The following N4BP1 variants were observed in gnomAD, a reference collection of about 807,000 sequenced individuals.
N4BP1 encodes NEDD4-binding protein 1.
Under a neutral mutation model 70.9 loss-of-function variants are expected in N4BP1, and 21 were observed. The observed-to-expected ratio is 0.30, with a 90% CI of 0.21 to 0.43. The LOEUF (loss-of-function observed/expected upper bound fraction) is 0.43, where lower values mean the gene tolerates loss of function less well. N4BP1 is among the 20% of genes least tolerant of loss of function. N4BP1 has a pLI of 1.00. For synonymous variants in N4BP1, 387 were observed against 394.6 expected, an observed-to-expected ratio of 0.98 and a Z score of 0.23; for missense variants, 936 against 1,069.4, an observed-to-expected ratio of 0.88 and a Z score of 1.74.
chr16:48,599,373 G>A (rs1479078528), intron 1 of N4BP1, among the ~76,000 whole-genome samples: 3 of 152,176 alleles, frequency 2.0e-5, no homozygotes, highest in African/African-American at 7.2e-5. Flanking sequence ...GCAAAATAGA[G>A]GGTAAGAGGA....
intron 1 of N4BP1, among the ~76,000 whole-genome samples, chr16:48,580,934 C>T (rs561618536): frequency 1.3e-4 from 20 of 152,134 alleles, no homozygotes; most frequent in East Asian, 5.8e-4. Flanking sequence ...ATAGATTATA[C>T]GCAAACACTA....
intron 2 of N4BP1, among the ~76,000 whole-genome samples, chr16:48,556,483 G>A (rs1201528784): frequency 1.3e-5 from 2 of 152,144 alleles, no homozygotes; most frequent in Non-Finnish European, 2.9e-5. Flanking sequence ...ATAACACCTT[G>A]CTACTTATGG....
chr16:48,595,948 GGC>G (rs1475953686), intron 1 of N4BP1, among the ~76,000 whole-genome samples: 2 of 152,132 alleles, frequency 1.3e-5, no homozygotes, highest in Non-Finnish European at 2.9e-5. Context: ...CCCATGGCTG[GGC>G]TTGGCTTTAA....
Position 48,561,995 on chromosome 16 carries a change from T to A in N4BP1, c.648A>T (p.Thr216=). The change falls in exon 2 of 7, where the codon ACA becomes ACT. Residue 216 remains threonine, a synonymous_variant. Transcript: ENST00000262384. ...EMRDSQQTEF[T]QNAATGLNIS... ...TATTCAGCCCTGTGGCAGCATTCTG[T>A]GTAAACTCTGTTTGTTGAGAATCTC... is the stretch of plus-strand genomic sequence containing the variant. 6.2e-7 allele frequency: 1 copy of A among 1,613,960 alleles called. No individual in the cohort carries two copies. The highest frequency in any genetic ancestry group is 1.1e-5 in the South Asian group (1 of 91,084).
intron 2 of N4BP1, 130 bp downstream of exon 2, chr16:48,560,624 C>T: frequency 1.6e-6 from 2 of 1,253,660 alleles, no homozygotes; most frequent in Non-Finnish European, 2.2e-6. Context: ...CCATTCCCCT[C>T]CACCATCCGA....
At chr16:48,600,032 A>G (rs1357045975) in intron 1 of N4BP1, 2 of 299,350 alleles carry the variant, frequency 6.7e-6, no homozygotes, top group Non-Finnish European at 1.3e-5. Context: ...CCTACCTATT[A>G]TAACAAAGTA....
chr16:48,607,060 G>C (rs969217737), intron 1 of N4BP1, among the ~76,000 whole-genome samples: 1 of 152,096 alleles, frequency 6.6e-6, no homozygotes, highest in Non-Finnish European at 1.5e-5. Context: ...TCTTACCTAT[G>C]AGTCTCAAGG....
At chr16:48,601,384 T>C (rs908590082) in intron 1 of N4BP1, among the ~76,000 whole-genome samples, 2 of 152,222 alleles carry the variant, frequency 1.3e-5, no homozygotes, top group African/African-American at 2.4e-5. Flanking sequence ...AGTTATTATG[T>C]AGTTTTCCTT....
Position 48,547,990 on chromosome 16 carries a change from A to C in N4BP1, c.2225+17T>G, listed in dbSNP as rs1567426098. 6.8e-7 allele frequency: 1 copy of C among 1,463,350 alleles called. No homozygotes were observed. The highest frequency in any genetic ancestry group is 2.3e-5 in the East Asian group (1 of 44,222). 90.6% of individuals were successfully genotyped at this position (1,463,350 alleles called of 1,614,324 possible). ...AAACAAAACTTTTCTGACCAAAGAC[A>C]AAGAAGAAAATATTACCTTTTTGTA... is the stretch of plus-strand genomic sequence containing the variant. On this transcript the variant is annotated intron_variant, in intron 5 of 6. Transcript: ENST00000262384.
intron 1 of N4BP1, among the ~76,000 whole-genome samples, chr16:48,591,646 T>C (rs956863335): frequency 5.7e-4 from 86 of 151,884 alleles, no homozygotes; most frequent in East Asian, 1.9e-3. Context: ...TTTTTTTTTT[T>C]TTCTTCTTGG....
chr16:48,555,508 AATAAG>A (rs1447676768), intron 2 of N4BP1, among the ~76,000 whole-genome samples: 7 of 152,246 alleles, frequency 4.6e-5, no homozygotes, highest in African/African-American at 1.4e-4. Flanking sequence ...GTGAACCATA[AATAAG>A]ATATTTCAGA....
chr16:48,588,968 G>T lies in N4BP1; in HGVS notation c.198+20807C>A, dbSNP rs112018707. Among the ~76,000 whole-genome samples, 352 of 152,236 alleles carry T rather than the reference G, an allele frequency of 2.3e-3. 2 individuals carry two copies. Among genetic ancestry groups the T allele is most frequent in the African/African-American group, 8.2e-3 (339 of 41,512 alleles). Reference sequence around the variant, plus strand: ...TATCATTTGGCTCTTTAGAGAAAAAGTTTGCCAATGTACATCCTAGGAGAA... The same window carrying T: ...TATCATTTGGCTCTTTAGAGAAAAATTTTGCCAATGTACATCCTAGGAGAA... On this transcript the variant is annotated intron_variant, in intron 1 of 6. Transcript: ENST00000262384.
At chr16:48,583,248 T>A (rs1964199246) in intron 1 of N4BP1, among the ~76,000 whole-genome samples, 1 of 151,896 alleles carries the variant, frequency 6.6e-6, no homozygotes, top group Non-Finnish European at 1.5e-5. Context: ...AAAAAGGAAA[T>A]CCTGGTATTT....
chr16:48,601,770 T>C (rs893937543), intron 1 of N4BP1, among the ~76,000 whole-genome samples: 3 of 152,020 alleles, frequency 2.0e-5, no homozygotes, highest in Admixed American at 1.3e-4. Flanking sequence ...AGTGCAGGGG[T>C]ACAATCAGGG....
chr16:48,538,730 G>C lies in N4BP1; in HGVS notation c.*4174C>G, dbSNP rs1044776015. On this transcript the variant is annotated 3_prime_UTR_variant, in exon 7 of 7. Coordinates refer to ENST00000262384, the MANE Select transcript of N4BP1 (RefSeq NM_153029.4). ...CAAGAAGGCACTGTCCTCCAGTTCA[G>C]TTGAGCAGACATTTATTAAGCACCT... is the stretch of plus-strand genomic sequence containing the variant. The C allele has an allele frequency of 1.3e-5, 2 of 152,016 alleles. No homozygotes were observed. The highest frequency in any genetic ancestry group is 2.9e-5 in the Non-Finnish European group (2 of 68,044). 9.4% of individuals were successfully genotyped at this position (152,016 alleles called of 1,614,324 possible).
At chr16:48,598,444 TA>T (rs941171148) in intron 1 of N4BP1, among the ~76,000 whole-genome samples, 7 of 152,008 alleles carry the variant, frequency 4.6e-5, no homozygotes, top group African/African-American at 7.3e-5. Context: ...AAATCATTGA[TA>T]GGGGTGATAC....
intron 4 of N4BP1, among the ~76,000 whole-genome samples, chr16:48,548,616 G>A (rs1019663668): frequency 1.3e-5 from 2 of 152,082 alleles, no homozygotes; most frequent in Non-Finnish European, 2.9e-5. Context: ...GGAGGTTGAG[G>A]TGGGCGGATC....
At chr16:48,607,687 C>T (rs749563621) in intron 1 of N4BP1, among the ~76,000 whole-genome samples, 6 of 152,186 alleles carry the variant, frequency 3.9e-5, no homozygotes, top group Non-Finnish European at 7.3e-5. Flanking sequence ...GAAGAAAAAG[C>T]AGGACTTAAT....
chr16:48,567,393 C>T (rs201472543), intron 1 of N4BP1, among the ~76,000 whole-genome samples: 1 of 152,210 alleles, frequency 6.6e-6, no homozygotes, highest in Non-Finnish European at 1.5e-5. Context: ...TCTTGGCTCA[C>T]TGCAACCTCC....
Sources: allele counts gnomAD v4.1 joint callset (sites outside exome capture counted in the v4.1 genomes callset), GRCh38; gene constraint gnomAD v4.1.1; transcripts MANE v1.5; gene names NCBI Gene and HGNC (gene_info 2026-07-23, HGNC 2026-07-21).